Variants in GRID2 observed in about 807,000 individuals in gnomAD.
The protein encoded by GRID2 is glutamate ionotropic receptor delta type subunit 2.
Under a neutral mutation model 114.8 loss-of-function variants are expected in GRID2, and 33 were observed. That is an observed-to-expected ratio of 0.29 (90% CI 0.22 to 0.38). GRID2 has a LOEUF of 0.38. GRID2 is among the 10% of genes least tolerant of loss of function. The pLI, the probability that GRID2 is intolerant of heterozygous loss-of-function variation, is 1.00. For synonymous variants in GRID2, 505 were observed against 449.9 expected (o/e 1.12, Z -1.55); for missense variants, 1,184 against 1,257.7 (o/e 0.94, Z 0.89).
At position 92,863,384 on chromosome 4, in the gene GRID2, C is replaced by T. The variant is rs558749865; in HGVS notation, c.245-221611C>T. On this transcript the variant is annotated intron_variant, in intron 2 of 15. Coordinates refer to ENST00000282020, the MANE Select transcript of GRID2 (RefSeq NM_001510.4). The stretch of plus-strand genomic sequence containing the variant: ...TGAAATAATCACTTATTCACACCAC[C>T]GACTCCTCCAGCAGCCTGTGAAAAT... Among the ~76,000 whole-genome samples the T allele has an allele frequency of 8.6e-4, 131 of 152,180 alleles. No individual in the cohort carries two copies. The Middle Eastern group carries it at 0.014, about 16-fold the overall frequency.
At chr4:92,626,486 G>A (rs1730530648) in intron 2 of GRID2, among the ~76,000 whole-genome samples, 1 of 151,884 alleles carries the variant, frequency 6.6e-6, no homozygotes, top group Non-Finnish European at 1.5e-5. Context: ...AGGGGAAGTG[G>A]GGAGTATGAA....
chr4:93,065,458 G>T (rs868185295), intron 2 of GRID2, among the ~76,000 whole-genome samples: 39 of 151,806 alleles, frequency 2.6e-4, no homozygotes, highest in African/African-American at 8.9e-4. Flanking sequence ...AAAGCCAAAA[G>T]AAGTGACTGT....
At chr4:92,816,491 G>A (rs1440645353) in intron 2 of GRID2, among the ~76,000 whole-genome samples, 1 of 152,022 alleles carries the variant, frequency 6.6e-6, no homozygotes, top group East Asian at 1.9e-4. Context: ...CTGATTGTCT[G>A]TTATATAGCC....
chr4:92,337,380 T>A (rs1727242440), intron 1 of GRID2, among the ~76,000 whole-genome samples: 1 of 152,114 alleles, frequency 6.6e-6, no homozygotes, highest in Non-Finnish European at 1.5e-5. Context: ...TTAAGTTCTC[T>A]ACAAGCAGAG....
chr4:93,032,414 C>T (rs773381653), intron 2 of GRID2, among the ~76,000 whole-genome samples: 29 of 152,086 alleles, frequency 1.9e-4, no homozygotes, highest in Non-Finnish European at 3.8e-4. Context: ...TTTATATGAA[C>T]AGCAGATTTT....
chr4:93,687,379 C>G (rs1726167452), intron 14 of GRID2, among the ~76,000 whole-genome samples: 1 of 151,894 alleles, frequency 6.6e-6, no homozygotes, highest in East Asian at 1.9e-4. Flanking sequence ...TTTTATAAGC[C>G]TGGAGTTCTG....
rs143567590 is a variant in GRID2, at chr4:93,109,598, A to G, written c.530-1150A>G. On this transcript the variant is annotated intron_variant, in intron 3 of 15. Transcript: ENST00000282020. ...AGGCAAATTTTACTTGCAGGGAAGC[A>G]CACACTATTAAGGATTTTGAGATCT... is the stretch of plus-strand genomic sequence containing the variant. Among the ~76,000 whole-genome samples the G allele has an allele frequency of 6.6e-5, 10 of 152,250 alleles. No individual in the cohort carries two copies. In the East Asian group the frequency reaches 1.5e-3, roughly 24 times the overall value.
At chr4:93,693,921 G>A (rs1726786689) in intron 14 of GRID2, among the ~76,000 whole-genome samples, 1 of 152,014 alleles carries the variant, frequency 6.6e-6, no homozygotes, top group Non-Finnish European at 1.5e-5. Flanking sequence ...AGTCCCAGAG[G>A]ACCCAAGAAA....
intron 13 of GRID2, among the ~76,000 whole-genome samples, chr4:93,517,542 C>T (rs1578172708): frequency 1.3e-5 from 2 of 151,922 alleles, no homozygotes; most frequent in South Asian, 4.1e-4. Flanking sequence ...AAATTAGAAA[C>T]AGCTGACAAT....
chr4:93,675,273 A>G (rs1217016093), intron 14 of GRID2, among the ~76,000 whole-genome samples: 1 of 152,184 alleles, frequency 6.6e-6, no homozygotes, highest in Admixed American at 6.5e-5. Flanking sequence ...CTTGACTTAA[A>G]TAACTAAAAT....
chr4:93,419,357 T>C (rs759701045), intron 9 of GRID2, among the ~76,000 whole-genome samples: 1 of 151,978 alleles, frequency 6.6e-6, no homozygotes, highest in African/African-American at 2.4e-5. Flanking sequence ...GATAGGTACA[T>C]AGATAAAAGT....
intron 10 of GRID2, among the ~76,000 whole-genome samples, chr4:93,446,385 A>C (rs945776447): frequency 1.3e-5 from 2 of 152,172 alleles, no homozygotes; most frequent in Non-Finnish European, 1.5e-5. Context: ...AGAGCTGAAC[A>C]GTACATTGCA....
chr4:92,792,548 A>G (rs915219785), intron 2 of GRID2, among the ~76,000 whole-genome samples: 2 of 151,032 alleles, frequency 1.3e-5, no homozygotes, highest in African/African-American at 4.9e-5. Flanking sequence ...TTGTCCCCCA[A>G]AGTTGAATAA....
intron 1 of GRID2, among the ~76,000 whole-genome samples, chr4:92,571,154 G>A (rs1372239017): frequency 6.6e-6 from 1 of 152,068 alleles, no homozygotes; most frequent in African/African-American, 2.4e-5. Context: ...TTTTTAATAT[G>A]AAGGGATGTT....
At chr4:92,555,137 C>G (rs1156433918) in intron 1 of GRID2, among the ~76,000 whole-genome samples, 1 of 152,030 alleles carries the variant, frequency 6.6e-6, no homozygotes, top group Non-Finnish European at 1.5e-5. Flanking sequence ...AAAAGAGGTT[C>G]TTGAATGCCA....
chr4:93,489,603 T>G (rs1270425229), intron 11 of GRID2, among the ~76,000 whole-genome samples: 1 of 151,750 alleles, frequency 6.6e-6, no homozygotes, highest in Non-Finnish European at 1.5e-5. Flanking sequence ...AGTAGTTCAG[T>G]AGTAGAGTCA....
rs1204809615 is a variant in GRID2 at position 92,940,042 on chromosome 4, G to A, written c.245-144953G>A. Among the ~76,000 whole-genome samples the A allele has an allele frequency of 7.5e-5, 11 of 146,896 alleles. 1 individual carries two copies. The highest frequency in any genetic ancestry group is 1.4e-4 in the Non-Finnish European group (9 of 66,458). On this transcript the variant is annotated intron_variant, in intron 2 of 15. Coordinates refer to ENST00000282020, the MANE Select transcript of GRID2 (RefSeq NM_001510.4). ...TCTTTTGGCTTAGAATTGACTTGGC[G>A]ATGCAGGCTCTTTTTTGGTTCCATA...
At chr4:92,331,233 A>G (rs1170630513) in intron 1 of GRID2, among the ~76,000 whole-genome samples, 1 of 152,194 alleles carries the variant, frequency 6.6e-6, no homozygotes, top group Non-Finnish European at 1.5e-5. Context: ...AGTTAGCACA[A>G]ACTCTATATA....
intron 2 of GRID2, among the ~76,000 whole-genome samples, chr4:92,976,418 T>C (rs1189569927): frequency 6.6e-6 from 1 of 152,178 alleles, no homozygotes; most frequent in Non-Finnish European, 1.5e-5. Flanking sequence ...TGTACATTTA[T>C]GCAGTTGTAG....
Sources: allele counts gnomAD v4.1 joint callset (sites outside exome capture counted in the v4.1 genomes callset), GRCh38; gene constraint gnomAD v4.1.1; transcripts MANE v1.5; gene names NCBI Gene and HGNC (gene_info 2026-07-23, HGNC 2026-07-21).